The following NLRP4 variants were observed in gnomAD, a reference collection of about 807,000 sequenced individuals.
NLRP4 encodes the protein NLR family pyrin domain containing 4.
NLRP4 carries 44 observed loss-of-function variants against 84.7 expected under a neutral mutation model. That is an observed-to-expected ratio of 0.52 (90% CI 0.41 to 0.67). The LOEUF (loss-of-function observed/expected upper bound fraction) is 0.67, where lower values mean the gene tolerates loss of function less well. NLRP4 is among the 30% of genes least tolerant of loss of function. NLRP4 has a pLI of 0.00. For synonymous variants in NLRP4, 544 were observed against 476.4 expected (o/e 1.14, Z -1.85); for missense variants, 1,260 against 1,219.4 (o/e 1.03, Z -0.50).
intron 1 of NLRP4, among the ~76,000 whole-genome samples, chr19:55,849,927 T>TCTGTAGCCGCGGTGTAATG (rs1983969859): frequency 8.1e-6 from 1 of 123,400 alleles, no homozygotes; most frequent in African/African-American, 4.8e-5. Context: ...GCGGTGTAAT[T>TCTGTAGCCGCGGTGTAATG]TCCGTAGCCG....
Position 55,859,946 on chromosome 19 carries a change from AAAAAAAC to A in NLRP4, c.1856+702_1856+708del, listed in dbSNP as rs1174067270. ...ATCTCCAAAAAAAAAAAAAAAAAAA[AAAAAAAC>A]AAAACACAAATCATACAAATTTTCT... On this transcript the variant is annotated intron_variant, in intron 3 of 9. Coordinates refer to ENST00000301295, the MANE Select transcript of NLRP4 (RefSeq NM_134444.5). Among the ~76,000 whole-genome samples, 9 of 124,054 alleles carry A rather than the reference AAAAAAAC, an allele frequency of 7.3e-5. 1 individual carries two copies. The highest frequency in any genetic ancestry group is 1.3e-4 in the Non-Finnish European group (7 of 52,902). 81.4% of individuals were successfully genotyped at this position (124,054 alleles called of 152,430 possible). A position where few individuals can be genotyped will look rare whatever the true frequency, so the allele number is the denominator to read the frequency against.
At chr19:55,863,262 G>A (rs529271391) in intron 5 of NLRP4, among the ~76,000 whole-genome samples, 2 of 152,192 alleles carry the variant, frequency 1.3e-5, no homozygotes, top group Admixed American at 1.3e-4. Flanking sequence ...CAAGGCTCTG[G>A]TGTTGGAGGT....
intron 5 of NLRP4, among the ~76,000 whole-genome samples, chr19:55,865,195 G>C (rs1254762639): frequency 6.6e-6 from 1 of 152,044 alleles, no homozygotes; most frequent in Non-Finnish European, 1.5e-5. Context: ...ATGTCTATAT[G>C]TACTCAGTGT....
At chr19:55,881,338 A>C (rs569010171) in intron 9 of NLRP4, 132 bp from the exon 10 acceptor site, 48 of 581,568 alleles carry the variant, frequency 8.3e-5, no homozygotes, top group South Asian at 4.3e-4. Context: ...TTTGATGTGT[A>C]TGTCTTTCCT....
chr19:55,871,997 G>A (rs919080912), intron 7 of NLRP4, among the ~76,000 whole-genome samples: 6 of 151,996 alleles, frequency 3.9e-5, no homozygotes, highest in East Asian at 1.9e-4. Flanking sequence ...ACAGGTGCCC[G>A]CCACCACGCC....
intron 1 of NLRP4, among the ~76,000 whole-genome samples, chr19:55,850,286 T>A (rs1984029824): frequency 8.8e-6 from 1 of 113,068 alleles, no homozygotes; most frequent in Non-Finnish European, 1.7e-5. Context: ...TGCGGTGTAA[T>A]GTCCGTGGCT....
chr19:55,870,728 T>G lies in NLRP4; in HGVS notation c.2355-99T>G. 4.9e-6 allele frequency: 4 copies of G among 821,330 alleles called. No individual in the cohort carries two copies. In the South Asian group the frequency reaches 4.9e-5, roughly 10 times the overall value. The allele number at this position is 821,330 out of a possible 1,614,324, so 50.9% of individuals were successfully genotyped here. On this transcript the variant is annotated intron_variant, in intron 6 of 9. Transcript: ENST00000301295. ...AACTTCATCTCAGCTGGGGAGTTTGTAAGATTATAGAAATATTACCCTGAA... is the reference window on the plus strand; with the variant it reads ...AACTTCATCTCAGCTGGGGAGTTTGGAAGATTATAGAAATATTACCCTGAA...
Position 55,859,021 on chromosome 19 carries a change from A to G in NLRP4, c.1628A>G (p.Asn543Ser), listed in dbSNP as rs757212604. Reference protein sequence around the residue: ...QCLKSLGERGNPQGQVDSLAI... With the variant: ...QCLKSLGERGSPQGQVDSLAI... ...CTGAAGAGCTTAGGGGAGCGTGGCA[A>G]TCCTCAGGGACAGGTGGATTCCTTG... is the stretch of plus-strand genomic sequence containing the variant. Residue 543 changes from asparagine (N) to serine (S), a missense_variant, in exon 3 of 10, where the codon AAT (asparagine) becomes AGT (serine). By Grantham distance (46) the Asn-to-Ser change is conservative. Transcript: ENST00000301295. 1 of 1,614,114 alleles carries G rather than the reference A, an allele frequency of 6.2e-7. No individual in the cohort carries two copies. Among genetic ancestry groups the G allele is most frequent in the Non-Finnish European group, 8.5e-7 (1 of 1,180,020 alleles).
In NLRP4 at chr19:55,867,756, G is replaced by T; in HGVS notation, c.2234G>T (p.Gly745Val). 1 of 1,614,110 alleles carries T rather than the reference G, an allele frequency of 6.2e-7. No homozygotes were observed. The highest frequency in any genetic ancestry group is 1.1e-5 in the South Asian group (1 of 91,086). Residue 745 changes from glycine to valine, a missense_variant, in exon 6 of 10, where the codon GGC becomes GTC. Coordinates refer to ENST00000301295, the MANE Select transcript of NLRP4 (RefSeq NM_134444.5). The part of the protein sequence containing the change: ...LSPIDCEVLA[G>V]LLTNNKKLTY... Reference sequence around the variant, plus strand: ...CCCATTGATTGTGAAGTCCTTGCTGGCCTTCTAACCAACAACAAGAAGCTG... The same window carrying T: ...CCCATTGATTGTGAAGTCCTTGCTGTCCTTCTAACCAACAACAAGAAGCTG...
chr19:55,869,755 A>G (rs569903728), intron 6 of NLRP4, among the ~76,000 whole-genome samples: 1 of 148,880 alleles, frequency 6.7e-6, no homozygotes, highest in Non-Finnish European at 1.5e-5. Context: ...TCTACTCCAC[A>G]CTTTTTTTTC....
chr19:55,870,308 C>T (rs1446190731), intron 6 of NLRP4, among the ~76,000 whole-genome samples: 4 of 152,168 alleles, frequency 2.6e-5, no homozygotes, highest in Non-Finnish European at 2.9e-5. Context: ...CCATATTACA[C>T]GATACTTTTT....
At chr19:55,854,805 C>G (rs1240242541) in intron 2 of NLRP4, among the ~76,000 whole-genome samples, 1 of 152,112 alleles carries the variant, frequency 6.6e-6, no homozygotes, top group Admixed American at 6.5e-5. Context: ...TGCAACCTCA[C>G]TGAACCCCCC....
chr19:55,858,030 G>A lies in NLRP4; in HGVS notation c.637G>A (p.Ala213Thr), dbSNP rs772979970. 40 of 1,614,028 alleles carry A rather than the reference G, an allele frequency of 2.5e-5. No individual in the cohort carries two copies. The highest frequency in any genetic ancestry group is 1.6e-4 in the Middle Eastern group (1 of 6,084). The change falls in exon 3 of 10, where the codon GCT (alanine) becomes ACT (threonine). Residue 213 changes from alanine (A) to threonine (T), a missense_variant. Around this residue, in one of 3 missense-constraint regions of NLRP4, gnomAD observed 712 missense variants for 669.2 expected, o/e 1.06. Transcript: ENST00000301295. The surrounding 1 kb of genome is among the most constrained non-coding windows in gnomAD (Gnocchi z 4.2). The part of the protein sequence containing the change: ...DLISREWPDP[A>T]APITEIVSQP... Reference sequence around the variant, plus strand: ...GATTTCCAGAGAGTGGCCTGACCCCGCTGCTCCTATAACAGAGATCGTGTC... The same window carrying A: ...GATTTCCAGAGAGTGGCCTGACCCCACTGCTCCTATAACAGAGATCGTGTC...
At chr19:55,879,098 A>G (rs1368446616) in intron 9 of NLRP4, 134 bp downstream of exon 9, 7 of 653,162 alleles carry the variant, frequency 1.1e-5, no homozygotes, top group Non-Finnish European at 1.6e-5. Flanking sequence ...TGCAGGAGTA[A>G]GAACCAAGCA....
intron 7 of NLRP4, among the ~76,000 whole-genome samples, chr19:55,876,593 C>T (rs552435812): frequency 6.6e-6 from 1 of 152,138 alleles, no homozygotes; most frequent in Admixed American, 6.5e-5. Flanking sequence ...GAACTTCTGA[C>T]CTCAGGTGAT....
rs1333979109 is a variant in NLRP4, at chr19:55,850,170, C to CTT, written c.-65-1846_-65-1845insTT. 2.3e-5 allele frequency among the ~76,000 whole-genome samples: 3 copies of CTT among 133,102 alleles called. No homozygotes were observed. In the East Asian group the frequency reaches 7.6e-4, roughly 34 times the overall value. 87.3% of individuals were successfully genotyped at this position (133,102 alleles called of 152,430 possible). ...ATTTCCGAGGCTGCGGTGTAATTTC[C>CTT]GTGGCTGCGGTGTAATTTCCGTGGC... On this transcript the variant is annotated intron_variant, in intron 1 of 9. Coordinates refer to ENST00000301295, the MANE Select transcript of NLRP4 (RefSeq NM_134444.5).
chr19:55,859,946 A>C (rs559624551), intron 3 of NLRP4, among the ~76,000 whole-genome samples: 1 of 124,108 alleles, frequency 8.1e-6, no homozygotes, highest in African/African-American at 2.7e-5. Context: ...AAAAAAAAAA[A>C]AAAAAACAAA....
chr19:55,862,190 G>C lies in NLRP4; in HGVS notation c.2186+31G>C, dbSNP rs200982636. The stretch of plus-strand genomic sequence containing the variant: ...TCTCCGTTTATTGAGACCACTGATT[G>C]GGTTTCAGAGAAGACTATAGCCTAA... On this transcript the variant is annotated intron_variant, in intron 5 of 9. Transcript: ENST00000301295. The C allele has an allele frequency of 2.7e-6, 4 of 1,489,934 alleles. No homozygotes were observed. In the South Asian group the frequency reaches 3.5e-5, roughly 13 times the overall value. 92.3% of individuals were successfully genotyped at this position (1,489,934 alleles called of 1,614,324 possible).
At chr19:55,859,926 CAAAAAAAAAAA>C (rs1166037425) in intron 3 of NLRP4, among the ~76,000 whole-genome samples, 2 of 17,494 alleles carry the variant, frequency 1.1e-4, no homozygotes, top group African/African-American at 4.4e-4. Context: ...CTCTCATCTC[CAAAAAAAAAAA>C]AAAAAAAAAA....
Sources: gnomAD v4.1 joint callset for allele counts (sites outside exome capture counted in the v4.1 genomes callset) on GRCh38, gnomAD v4.1.1 for gene constraint, gnomAD v4.1.1 regional missense constraint, Gnocchi (gnomAD v3.1) non-coding constraint, MANE v1.5 for transcripts, NCBI Gene and HGNC (gene_info 2026-07-23, HGNC 2026-07-21) for gene names.